HLA-E: variants seen among roughly 807,000 people sequenced by gnomAD.
The protein encoded by HLA-E is HLA class I histocompatibility antigen, alpha chain E.
Under a neutral mutation model 43.4 loss-of-function variants are expected in HLA-E, and 25 were observed. The ratio of observed to expected loss-of-function variants is 0.58; its 90% CI spans 0.42 to 0.80. The LOEUF (loss-of-function observed/expected upper bound fraction) is 0.80, where lower values mean the gene tolerates loss of function less well. Among genes scored for constraint, HLA-E ranks in the 30% least tolerant of loss-of-function variants. The pLI is 0.00. For synonymous variants in HLA-E, 161 were observed against 197.6 expected, an observed-to-expected ratio of 0.81 and a Z score of 1.55; for missense variants, 343 against 470.0, an observed-to-expected ratio of 0.73 and a Z score of 2.50.
In HLA-E at chr6:30,490,029, C is replaced by T; in HGVS notation, c.334+34C>T. The T allele has an allele frequency of 1.3e-6, 2 of 1,582,926 alleles. No individual in the cohort carries two copies. Among genetic ancestry groups the T allele is most frequent in the South Asian group, 1.1e-5 (1 of 87,180 alleles). On this transcript the variant is annotated intron_variant, in intron 2 of 7. Transcript: ENST00000376630. The surrounding 1 kb of genome is among the most constrained non-coding windows in gnomAD (Gnocchi z 6.6). ...CCCCGGCCAGGGGAGCAGGTCACGA[C>T]CCCTCCCCATCCCCCACGGACGGCG...
In HLA-E at chr6:30,490,248, A is replaced by C; in HGVS notation, c.343A>C (p.Thr115Pro). 6.2e-7 allele frequency: 1 copy of C among 1,612,594 alleles called. No homozygotes were observed. Among genetic ancestry groups the C allele is most frequent in the Non-Finnish European group, 8.5e-7 (1 of 1,179,888 alleles). ...CTAAGGGGCGGGGCCAGGGTCTCAC[A>C]CCCTGCAGTGGATGCATGGCTGCGA... ...YYNQSEAGSH[T>P]LQWMHGCELG... Residue 115 changes from threonine (T) to proline (P), a missense_variant, in exon 3 of 8, where the codon ACC (threonine) becomes CCC (proline). Thr to Pro is a conservative substitution (Grantham distance 38). Transcript: ENST00000376630. This position sits in a 1 kb window ranked among gnomAD's most constrained non-coding sequence, Gnocchi z 6.6.
chr6:30,492,571 A>G lies in HLA-E; in HGVS notation c.1067A>G (p.His356Arg), dbSNP rs1187343042. 1 of 1,613,822 alleles carries G rather than the reference A, an allele frequency of 6.2e-7. No homozygotes were observed. Among genetic ancestry groups the G allele is most frequent in the Non-Finnish European group, 8.5e-7 (1 of 1,179,934 alleles). Residue 356 changes from histidine (H) to arginine (R), a missense_variant, in exon 7 of 8, where the codon CAC becomes CGC. Around this residue, in one of 3 missense-constraint regions of HLA-E, gnomAD observed 190 missense variants for 283.6 expected, o/e 0.67. Coordinates refer to ENST00000376630, the MANE Select transcript of HLA-E (RefSeq NM_005516.6). This position sits in a 1 kb window ranked among gnomAD's most constrained non-coding sequence, Gnocchi z 4.5. Reference protein sequence around the residue: ...WSDSAQGSESHSL With the variant: ...WSDSAQGSESRSL ...GACAGTGCCCAGGGGTCTGAGTCTC[A>G]CAGCTTGTAAAGGTGAGATTCTGGG... is the stretch of plus-strand genomic sequence containing the variant.
At position 30,492,766 on chromosome 6, in the gene HLA-E, G is replaced by T; in HGVS notation, c.*20G>T. On this transcript the variant is annotated 3_prime_UTR_variant, in exon 8 of 8. Transcript: ENST00000376630. This position sits in a 1 kb window ranked among gnomAD's most constrained non-coding sequence, Gnocchi z 4.5. ...TTCTGTAGCCTGAGACAGCTGCCTT[G>T]TGTGCGACTGAGATGCACAGCTGCC... 4.2e-6 allele frequency: 3 copies of T among 707,700 alleles called. No homozygotes were observed. The allele number at this position is 707,700 out of a possible 1,614,324, so 43.8% of individuals were successfully genotyped here. A position where few individuals can be genotyped will look rare whatever the true frequency, so the allele number is the denominator to read the frequency against.
chr6:30,491,250 G>T lies in HLA-E; in HGVS notation c.724G>T (p.Gly242Trp), dbSNP rs367909481. The change falls in exon 4 of 8, where the codon GGG becomes TGG. Residue 242 changes from glycine to tryptophan, a missense_variant. Gly to Trp is a radical substitution (Grantham distance 184). Coordinates refer to ENST00000376630, the MANE Select transcript of HLA-E (RefSeq NM_005516.6). This position sits in a 1 kb window ranked among gnomAD's most constrained non-coding sequence, Gnocchi z 5.4. ...AEITLTWQQD[G>W]EGHTQDTELV... ...GATCACACTGACCTGGCAGCAGGAT[G>T]GGGAGGGCCATACCCAGGACACGGA... The T allele has an allele frequency of 1.2e-6, 2 of 1,614,106 alleles. No individual in the cohort carries two copies. Among genetic ancestry groups the T allele is most frequent in the Non-Finnish European group, 8.5e-7 (1 of 1,179,964 alleles).
In HLA-E at chr6:30,490,055, C is replaced by T; in HGVS notation, c.334+60C>T. The T allele has an allele frequency of 1.3e-6, 2 of 1,536,622 alleles. No homozygotes were observed. Among genetic ancestry groups the T allele is most frequent in the Non-Finnish European group, 1.8e-6 (2 of 1,130,146 alleles). On this transcript the variant is annotated intron_variant, in intron 2 of 7. Transcript: ENST00000376630. The surrounding 1 kb of genome is among the most constrained non-coding windows in gnomAD (Gnocchi z 6.6). The stretch of plus-strand genomic sequence containing the variant: ...CCCTCCCCATCCCCCACGGACGGCG[C>T]GGGTCCCCTCGAATCTTCGGGTCCC...
At position 30,491,773 on chromosome 6, in the gene HLA-E, C is replaced by A; in HGVS notation, c.1003+120C>A. 1 of 795,698 alleles carries A rather than the reference C, an allele frequency of 1.3e-6. No homozygotes were observed. The highest frequency in any genetic ancestry group is 2.0e-6 in the Non-Finnish European group (1 of 491,320). The allele number at this position is 795,698 out of a possible 1,614,324, so 49.3% of individuals were successfully genotyped here. On this transcript the variant is annotated intron_variant, in intron 5 of 7. Transcript: ENST00000376630. The surrounding 1 kb of genome is among the most constrained non-coding windows in gnomAD (Gnocchi z 5.4). ...CACCATCCACACACACGAGCCTACC[C>A]AGCCTGGGGCCCTGTGTGCCAGCAC...
In HLA-E at chr6:30,490,680, A is replaced by G. The variant is rs752911791; in HGVS notation, c.610+165A>G. On this transcript the variant is annotated intron_variant, in intron 3 of 7. Coordinates refer to ENST00000376630, the MANE Select transcript of HLA-E (RefSeq NM_005516.6). This position sits in a 1 kb window ranked among gnomAD's most constrained non-coding sequence, Gnocchi z 6.6. Reference sequence around the variant, plus strand: ...TCACCTGAGGTACAGGAGATCCTATACCACAGAGTGACTCTCTTAAAGGGC... The same window carrying G: ...TCACCTGAGGTACAGGAGATCCTATGCCACAGAGTGACTCTCTTAAAGGGC... Among the ~76,000 whole-genome samples, 1 of 152,144 alleles carries G rather than the reference A, an allele frequency of 6.6e-6. No individual in the cohort carries two copies. The highest frequency in any genetic ancestry group is 1.5e-5 in the Non-Finnish European group (1 of 67,994).
rs112168935 is a variant in HLA-E, at chr6:30,491,158, C to G, written c.632C>G (p.Thr211Ser). 1.1e-5 allele frequency: 18 copies of G among 1,614,006 alleles called. No individual in the cohort carries two copies. The African/African-American group carries it at 1.3e-4, about 12-fold the overall frequency. ...LHLEPPKTHVTHHPISDHEAT... is the reference protein window; with the variant it reads ...LHLEPPKTHVSHHPISDHEAT... ...TCAGAGCCCCCAAAGACACACGTGA[C>G]TCACCACCCCATCTCTGACCATGAG... The change falls in exon 4 of 8, where the codon ACT (threonine) becomes AGT (serine). Residue 211 changes from threonine (T) to serine (S), a missense_variant. By Grantham distance (58) the Thr-to-Ser change is moderately conservative (BLOSUM62 1). Transcript: ENST00000376630. This position sits in a 1 kb window ranked among gnomAD's most constrained non-coding sequence, Gnocchi z 5.4.
In HLA-E at chr6:30,490,722, G is replaced by A. The variant is rs573041018; in HGVS notation, c.610+207G>A. Among the ~76,000 whole-genome samples, 1 of 152,258 alleles carries A rather than the reference G, an allele frequency of 6.6e-6. No homozygotes were observed. The highest frequency in any genetic ancestry group is 1.9e-4 in the East Asian group (1 of 5,180). ...TTAAAGGGCCAGACCTCTCTCAGGG[G>A]CAATTAAGGAATCTAGTCTCGCTGG... On this transcript the variant is annotated intron_variant, in intron 3 of 7. Transcript: ENST00000376630. This position sits in a 1 kb window ranked among gnomAD's most constrained non-coding sequence, Gnocchi z 6.6.
In HLA-E at chr6:30,490,108, C is replaced by CCCAG; in HGVS notation, c.334+114_334+117dup. ...ATTCACCCCAAGGCTGCGGAACCCG[C>CCCAG]CCAGACCCTAGACCGGGGAGAGTCT... On this transcript the variant is annotated intron_variant, in intron 2 of 7. Coordinates refer to ENST00000376630, the MANE Select transcript of HLA-E (RefSeq NM_005516.6). This position sits in a 1 kb window ranked among gnomAD's most constrained non-coding sequence, Gnocchi z 6.6. 6.7e-7 allele frequency: 1 copy of CCCAG among 1,503,640 alleles called. No homozygotes were observed. Among genetic ancestry groups the CCCAG allele is most frequent in the Non-Finnish European group, 9.0e-7 (1 of 1,106,162 alleles). 93.1% of individuals were successfully genotyped at this position (1,503,640 alleles called of 1,614,324 possible).
chr6:30,490,524 G>C lies in HLA-E; in HGVS notation c.610+9G>C, dbSNP rs1201260924. ...GACGCTGCTTCACCTGGGTAAGAGG[G>C]TCCACAGGGCTACTCTCCCATCTCC... is the stretch of plus-strand genomic sequence containing the variant. On this transcript the variant is annotated intron_variant, in intron 3 of 7. Transcript: ENST00000376630. The surrounding 1 kb of genome is among the most constrained non-coding windows in gnomAD (Gnocchi z 6.6). 3.7e-6 allele frequency: 6 copies of C among 1,610,398 alleles called. No homozygotes were observed. The highest frequency in any genetic ancestry group is 5.1e-6 in the Non-Finnish European group (6 of 1,178,602).
chr6:30,494,157 A>G lies in HLA-E; in HGVS notation c.*1411A>G, dbSNP rs897733284. 17 of 152,260 alleles carry G rather than the reference A, an allele frequency of 1.1e-4. No individual in the cohort carries two copies. The highest frequency in any genetic ancestry group is 4.1e-4 in the African/African-American group (17 of 41,466). 9.4% of individuals were successfully genotyped at this position (152,260 alleles called of 1,614,324 possible). On this transcript the variant is annotated 3_prime_UTR_variant, in exon 8 of 8. Transcript: ENST00000376630. The surrounding 1 kb of genome is among the most constrained non-coding windows in gnomAD (Gnocchi z 4.9). ...TCACCTTCCCAGGCTGATCTGAGGTAAACTTTGAAGTAAAATAAAAGCTGT... is the reference window on the plus strand; with the variant it reads ...TCACCTTCCCAGGCTGATCTGAGGTGAACTTTGAAGTAAAATAAAAGCTGT...
In HLA-E at chr6:30,493,262, C is replaced by T. The variant is rs1313361177; in HGVS notation, c.*516C>T. On this transcript the variant is annotated 3_prime_UTR_variant, in exon 8 of 8. Transcript: ENST00000376630. The surrounding 1 kb of genome is among the most constrained non-coding windows in gnomAD (Gnocchi z 5.5). ...TGAGCCAGGATTGTGCGACTGCACT[C>T]CAGCCTGGGTGACAGGGTGAAACGC... 1 of 151,954 alleles carries T rather than the reference C, an allele frequency of 6.6e-6. No individual in the cohort carries two copies. Among genetic ancestry groups the T allele is most frequent in the East Asian group, 1.9e-4 (1 of 5,196 alleles). The allele number at this position is 151,954 out of a possible 1,614,324, so 9.4% of individuals were successfully genotyped here.
In HLA-E at chr6:30,490,274, G is replaced by C. The variant is rs1477160844; in HGVS notation, c.369G>C (p.Glu123Asp). The change falls in exon 3 of 8, where the codon GAG (glutamate) becomes GAC (aspartate). Residue 123 changes from glutamate (E) to aspartate (D), a missense_variant. Glu to Asp is a conservative substitution (Grantham distance 45). This residue lies in a region of HLA-E where 59 missense variants were observed against 42.0 expected (regional missense o/e 1.40). Transcript: ENST00000376630. This position sits in a 1 kb window ranked among gnomAD's most constrained non-coding sequence, Gnocchi z 6.6. ...SHTLQWMHGC[E>D]LGPDGRFLRG... ...CCCTGCAGTGGATGCATGGCTGCGA[G>C]CTGGGGCCCGACGGGCGCTTCCTCC... is the stretch of plus-strand genomic sequence containing the variant. 1.2e-6 allele frequency: 2 copies of C among 1,612,446 alleles called. No individual in the cohort carries two copies. Among genetic ancestry groups the C allele is most frequent in the Non-Finnish European group, 1.7e-6 (2 of 1,179,742 alleles).
At position 30,489,823 on chromosome 6, in the gene HLA-E, C is replaced by CGT. The variant is rs1796411779; in HGVS notation, c.164_165dup (p.Arg56CysfsTer43). On this transcript the variant is annotated frameshift_variant, in exon 2 of 8. Coordinates refer to ENST00000376630, the MANE Select transcript of HLA-E (RefSeq NM_005516.6). LOFTEE classifies it high-confidence loss of function. The surrounding 1 kb of genome is among the most constrained non-coding windows in gnomAD (Gnocchi z 5.6). ...TGGGCTACGTGGACGACACCCAGTT[C>CGT]GTGCGCTTCGACAACGACGCCGCGA... 1.9e-6 allele frequency: 3 copies of CGT among 1,612,916 alleles called. No individual in the cohort carries two copies. The highest frequency in any genetic ancestry group is 2.5e-6 in the Non-Finnish European group (3 of 1,180,008).
At position 30,489,780 on chromosome 6, in the gene HLA-E, A is replaced by C; in HGVS notation, c.119A>C (p.Glu40Ala). ...TCCGTGTCCCGGCCCGGCCGCGGGG[A>C]GCCCCGCTTCATCTCTGTGGGCTAC... ...HTSVSRPGRG[E>A]PRFISVGYVD... The change falls in exon 2 of 8, where the codon GAG becomes GCG. Residue 40 changes from glutamate (E) to alanine (A), a missense_variant. By Grantham distance (107) the Glu-to-Ala change is moderately radical. Around this residue, in one of 3 missense-constraint regions of HLA-E, gnomAD observed 94 missense variants for 144.4 expected, o/e 0.65. Coordinates refer to ENST00000376630, the MANE Select transcript of HLA-E (RefSeq NM_005516.6). This position sits in a 1 kb window ranked among gnomAD's most constrained non-coding sequence, Gnocchi z 5.6. 1 of 1,612,452 alleles carries C rather than the reference A, an allele frequency of 6.2e-7. No homozygotes were observed.
chr6:30,490,591 C>G lies in HLA-E; in HGVS notation c.610+76C>G. 8.4e-6 allele frequency: 12 copies of G among 1,427,114 alleles called. No individual in the cohort carries two copies. The highest frequency in any genetic ancestry group is 8.6e-6 in the Non-Finnish European group (9 of 1,046,694). The allele number at this position is 1,427,114 out of a possible 1,614,324, so 88.4% of individuals were successfully genotyped here. A position where few individuals can be genotyped will look rare whatever the true frequency, so the allele number is the denominator to read the frequency against. The stretch of plus-strand genomic sequence containing the variant: ...GTGCCCACAGCTGACAGACCTCAAA[C>G]AGTAGAAGAAACAGGGATGGAGGCC... On this transcript the variant is annotated intron_variant, in intron 3 of 7. Coordinates refer to ENST00000376630, the MANE Select transcript of HLA-E (RefSeq NM_005516.6). This position sits in a 1 kb window ranked among gnomAD's most constrained non-coding sequence, Gnocchi z 6.6.
Position 30,492,600 on chromosome 6 carries a change from C to G in HLA-E, c.*2+17C>G. 6.2e-7 allele frequency: 1 copy of G among 1,613,064 alleles called. No individual in the cohort carries two copies. The highest frequency in any genetic ancestry group is 8.5e-7 in the Non-Finnish European group (1 of 1,179,502). ...CTTGTAAAGGTGAGATTCTGGGGGTCTGAAGTGGGTGGAGGGTGGGGCAGA... is the reference window on the plus strand; with the variant it reads ...CTTGTAAAGGTGAGATTCTGGGGGTGTGAAGTGGGTGGAGGGTGGGGCAGA... On this transcript the variant is annotated intron_variant, in intron 7 of 7. Coordinates refer to ENST00000376630, the MANE Select transcript of HLA-E (RefSeq NM_005516.6). The surrounding 1 kb of genome is among the most constrained non-coding windows in gnomAD (Gnocchi z 4.5).
Position 30,491,262 on chromosome 6 carries a change from A to G in HLA-E, c.736A>G (p.Thr246Ala). 6.2e-7 allele frequency: 1 copy of G among 1,614,040 alleles called. No homozygotes were observed. Among genetic ancestry groups the G allele is most frequent in the Non-Finnish European group, 8.5e-7 (1 of 1,179,950 alleles). ...CTGGCAGCAGGATGGGGAGGGCCAT[A>G]CCCAGGACACGGAGCTCGTGGAGAC... Reference protein sequence around the residue: ...LTWQQDGEGHTQDTELVETRP... With the variant: ...LTWQQDGEGHAQDTELVETRP... Residue 246 changes from threonine to alanine, a missense_variant, in exon 4 of 8, where the codon ACC becomes GCC. Physicochemically the swap from Thr to Ala is moderately conservative, Grantham distance 58. Coordinates refer to ENST00000376630, the MANE Select transcript of HLA-E (RefSeq NM_005516.6). The surrounding 1 kb of genome is among the most constrained non-coding windows in gnomAD (Gnocchi z 5.4).
Sources: allele counts gnomAD v4.1 joint callset (sites outside exome capture counted in the v4.1 genomes callset), GRCh38; gene constraint gnomAD v4.1.1; regional missense constraint gnomAD v4.1.1; non-coding constraint Gnocchi (gnomAD v3.1); transcripts MANE v1.5; gene names NCBI Gene and HGNC (gene_info 2026-07-23, HGNC 2026-07-21).